ARRB1: variants seen among roughly 807,000 people sequenced by gnomAD.
The protein encoded by ARRB1 is beta-arrestin-1.
ARRB1 carries 21 observed loss-of-function variants against 56.8 expected under a neutral mutation model. That is an observed-to-expected ratio of 0.37 (90% CI 0.26 to 0.53). The LOEUF (loss-of-function observed/expected upper bound fraction) is 0.53. Ranked by LOEUF, ARRB1 falls within the 20% of genes least tolerant of loss-of-function variation. ARRB1 has a pLI of 0.88. For missense variants in ARRB1, 424 were observed against 553.7 expected, an observed-to-expected ratio of 0.77 and a Z score of 2.35; for synonymous variants, 210 against 218.6, an observed-to-expected ratio of 0.96 and a Z score of 0.35.
intron 1 of ARRB1, among the ~76,000 whole-genome samples, chr11:75,294,344 G>T (rs1203885873): frequency 6.6e-6 from 1 of 152,006 alleles, no homozygotes; most frequent in South Asian, 2.1e-4. Flanking sequence ...ATCACTTGAG[G>T]TCAGGAGTTC....
At chr11:75,273,304 A>AT (rs1246403419) in intron 11 of ARRB1, among the ~76,000 whole-genome samples, 1 of 151,310 alleles carries the variant, frequency 6.6e-6, no homozygotes, top group African/African-American at 2.4e-5. Context: ...TCAGCAACCC[A>AT]TGGGCAGAAA....
rs1945759218 is a variant in ARRB1 at position 75,260,445 on chromosome 11, C to T, written c.*5718G>A. ...TGAGCAGAGATGCCCGGGAAGATGG[C>T]ACTTCCTATGCTCGTTCCCAAGTGC... is the stretch of plus-strand genomic sequence containing the variant. On this transcript the variant is annotated 3_prime_UTR_variant, in exon 16 of 16. Transcript: ENST00000420843. 6.6e-6 allele frequency: 1 copy of T among 152,206 alleles called. No individual in the cohort carries two copies. The highest frequency in any genetic ancestry group is 1.5e-5 in the Non-Finnish European group (1 of 68,062). The allele number at this position is 152,206 out of a possible 1,614,324, so 9.4% of individuals were successfully genotyped here.
chr11:75,284,423 G>A, intron 3 of ARRB1, 144 bp from the exon 4 acceptor site: 1 of 734,058 alleles, frequency 1.4e-6, no homozygotes, highest in Middle Eastern at 2.5e-4. Flanking sequence ...CACCTAGAGG[G>A]TGGCACTGCC....
chr11:75,278,225 G>A (rs1381687695), intron 8 of ARRB1, among the ~76,000 whole-genome samples: 2 of 152,172 alleles, frequency 1.3e-5, no homozygotes, highest in South Asian at 2.1e-4. Flanking sequence ...AGGGCTTGTC[G>A]CCCTGACGCT....
At chr11:75,288,748 T>G (rs1290207207) in intron 2 of ARRB1, among the ~76,000 whole-genome samples, 1 of 152,044 alleles carries the variant, frequency 6.6e-6, no homozygotes, top group Admixed American at 6.5e-5. Flanking sequence ...CCCAAATAGC[T>G]GGAACTACAG....
intron 1 of ARRB1, among the ~76,000 whole-genome samples, chr11:75,343,395 CAAA>C (rs750538450): frequency 3.0e-4 from 45 of 152,000 alleles, no homozygotes; most frequent in Non-Finnish European, 5.1e-4. Flanking sequence ...TTGGGAGGCT[CAAA>C]AAAATGAATC....
At chr11:75,284,749 C>T (rs938349767) in intron 3 of ARRB1, among the ~76,000 whole-genome samples, 1 of 151,968 alleles carries the variant, frequency 6.6e-6, no homozygotes, top group African/African-American at 2.4e-5. Flanking sequence ...ACTATAAATA[C>T]AAAAATAGCT....
At chr11:75,290,551 C>T (rs1256575498) in intron 1 of ARRB1, among the ~76,000 whole-genome samples, 3 of 151,936 alleles carry the variant, frequency 2.0e-5, no homozygotes, top group Non-Finnish European at 2.9e-5. Context: ...AAGTCCCTCT[C>T]TTGCTCTACT....
intron 1 of ARRB1, among the ~76,000 whole-genome samples, chr11:75,295,740 T>C (rs888945462): frequency 3.3e-5 from 5 of 152,208 alleles, no homozygotes; most frequent in African/African-American, 9.6e-5. Context: ...AAACCAGCAA[T>C]GATCTGGATG....
At chr11:75,266,329 CT>C in intron 15 of ARRB1, 55 bp from the exon 16 acceptor site, 1 of 1,465,734 alleles carries the variant, frequency 6.8e-7, no homozygotes, top group Non-Finnish European at 9.6e-7. Context: ...GGAGAGTAGG[CT>C]TATCCAGAGG....
rs1347193190 is a variant in ARRB1, at chr11:75,306,533, A to C, written c.21-16494T>G. The stretch of plus-strand genomic sequence containing the variant: ...GAGAGGAAAAGCAAACTTCCTGGTG[A>C]GTCAGATAGAAAGTCTTACCCCATT... On this transcript the variant is annotated intron_variant, in intron 1 of 15. Coordinates refer to ENST00000420843, the MANE Select transcript of ARRB1 (RefSeq NM_004041.5). 3.5e-6 allele frequency: 4 copies of C among 1,147,350 alleles called. No individual in the cohort carries two copies. The East Asian group carries it at 2.3e-4, about 66-fold the overall frequency. 71.1% of individuals were successfully genotyped at this position (1,147,350 alleles called of 1,614,324 possible). A position where few individuals can be genotyped will look rare whatever the true frequency, so the allele number is the denominator to read the frequency against.
At chr11:75,281,277 CTGG>C in intron 6 of ARRB1, 135 bp from the exon 7 acceptor site, 1 of 845,978 alleles carries the variant, frequency 1.2e-6, no homozygotes. Context: ...CTTCCTTGGT[CTGG>C]AAGAAGCGGG....
chr11:75,326,095 A>T (rs901054280), intron 1 of ARRB1, among the ~76,000 whole-genome samples: 1 of 152,158 alleles, frequency 6.6e-6, no homozygotes, highest in African/African-American at 2.4e-5. Flanking sequence ...GCCTTGAAGG[A>T]GCTCTGCAGG....
chr11:75,269,000 C>T lies in ARRB1; in HGVS notation c.1023-41G>A, dbSNP rs771651894. ...AGACCCAGTGAGCCTTGAGCGGACT[C>T]ACAGGCTGTGAGACTTGATGTCGAT... On this transcript the variant is annotated intron_variant, in intron 13 of 15. Transcript: ENST00000420843. 17 of 1,593,166 alleles carry T rather than the reference C, an allele frequency of 1.1e-5. No homozygotes were observed. The Admixed American group carries it at 2.9e-4, about 27-fold the overall frequency.
At chr11:75,301,888 G>C (rs991995817) in intron 1 of ARRB1, among the ~76,000 whole-genome samples, 4 of 152,310 alleles carry the variant, frequency 2.6e-5, no homozygotes, top group Admixed American at 6.5e-5. Flanking sequence ...CAGCCCAGGA[G>C]GGGGAAGGAG....
Position 75,274,039 on chromosome 11 carries a change from A to G in ARRB1, c.914+35T>C, listed in dbSNP as rs200005197. ...GGTGTGGCCCCATCAGGCAAGATGC[A>G]CTAGGAGCCCAGGGCTAGGAGGGCA... On this transcript the variant is annotated intron_variant, in intron 11 of 15. Transcript: ENST00000420843. The G allele has an allele frequency of 2.0e-5, 32 of 1,613,760 alleles. No individual in the cohort carries two copies. In the African/African-American group the frequency reaches 3.7e-4, roughly 19 times the overall value.
intron 1 of ARRB1, among the ~76,000 whole-genome samples, chr11:75,296,658 G>A (rs1946757206): frequency 6.6e-6 from 1 of 151,928 alleles, no homozygotes. Context: ...AATTCTATAT[G>A]ATCAGCTAAA....
At chr11:75,302,946 A>T (rs1213091423) in intron 1 of ARRB1, among the ~76,000 whole-genome samples, 1 of 152,008 alleles carries the variant, frequency 6.6e-6, no homozygotes, top group Admixed American at 6.6e-5. Flanking sequence ...GTCTCCCTAC[A>T]GTCTTGGGTA....
chr11:75,261,814 A>G lies in ARRB1; in HGVS notation c.*4349T>C, dbSNP rs567100666. ...ACCAAGCCCAGTGCAGGCCGTATAG[A>G]TGAGGGTTCAGGAGTGTTTTGGTCC... is the stretch of plus-strand genomic sequence containing the variant. On this transcript the variant is annotated 3_prime_UTR_variant, in exon 16 of 16. Transcript: ENST00000420843. 1 of 152,376 alleles carries G rather than the reference A, an allele frequency of 6.6e-6. No individual in the cohort carries two copies. The highest frequency in any genetic ancestry group is 1.9e-4 in the East Asian group (1 of 5,184). The allele number at this position is 152,376 out of a possible 1,614,324, so 9.4% of individuals were successfully genotyped here. A position where few individuals can be genotyped will look rare whatever the true frequency, so the allele number is the denominator to read the frequency against.
Sources: allele counts gnomAD v4.1 joint callset (sites outside exome capture counted in the v4.1 genomes callset), GRCh38; gene constraint gnomAD v4.1.1; transcripts MANE v1.5; gene names NCBI Gene and HGNC (gene_info 2026-07-23, HGNC 2026-07-21).